Variants in RNF38 observed in about 807,000 individuals in gnomAD.
The protein encoded by RNF38 is ring finger protein 38, also known as E3 ubiquitin-protein ligase RNF38.
In RNF38, 15 loss-of-function variants were observed where a neutral mutation model predicts 67.2. The observed-to-expected ratio is 0.22, with a 90% CI of 0.15 to 0.34. The LOEUF is 0.34. Ranked by LOEUF, RNF38 falls within the 10% of genes least tolerant of loss-of-function variation. The probability of loss-of-function intolerance (pLI) is 1.00; values close to 1 mark genes in which losing one functional copy is unlikely to be tolerated. For synonymous variants in RNF38, 220 were observed against 218.8 expected (o/e 1.01, Z -0.05); for missense variants, 524 against 639.9 (o/e 0.82, Z 1.95).
intron 1 of RNF38, among the ~76,000 whole-genome samples, chr9:36,450,463 CAT>C (rs529295716): frequency 6.1e-4 from 93 of 152,300 alleles, no homozygotes; most frequent in Admixed American, 1.5e-3. Flanking sequence ...TAAATTTCTA[CAT>C]GTTTTAATTT....
At position 36,406,724 on chromosome 9, in the gene RNF38, AG is replaced by A. The variant is rs149950726; in HGVS notation, n.313-16109del. ...AAATTCCCAAGGAGAAATGAAGCAC[AG>A]GAACAACAGAAAGCGGGCAGTGAAA... On this transcript the variant is annotated intron_variant and non_coding_transcript_variant, in intron 2 of 3. Coordinates refer to the RNF38 transcript ENST00000488058. Among the ~76,000 whole-genome samples, 403 of 152,382 alleles carry A rather than the reference AG, an allele frequency of 2.6e-3. 11 individuals carry two copies. In the East Asian group the frequency reaches 0.063, roughly 24 times the overall value.
At chr9:36,352,477 GT>G (rs1298036579) in intron 8 of RNF38, among the ~76,000 whole-genome samples, 2 of 152,132 alleles carry the variant, frequency 1.3e-5, no homozygotes, top group Non-Finnish European at 1.5e-5. Flanking sequence ...GTTATCAGTT[GT>G]AAAAGAGGCA....
At chr9:36,487,164 A>C (rs1840434955) in intron 1 of RNF38, 9 of 473,088 alleles carry the variant, frequency 1.9e-5, no homozygotes, top group Non-Finnish European at 2.5e-5. Context: ...CAGGGCTCGC[A>C]GGGGCTCCGG....
intron 11 of RNF38, among the ~76,000 whole-genome samples, chr9:36,340,640 G>A (rs1010595284): frequency 2.0e-5 from 3 of 152,156 alleles, no homozygotes; most frequent in Non-Finnish European, 4.4e-5. Flanking sequence ...CCAAAATGTT[G>A]GGATTACATG....
Position 36,474,760 on chromosome 9 carries a change from T to A in RNF38, n.241+12548A>T, listed in dbSNP as rs546876535. On this transcript the variant is annotated intron_variant and non_coding_transcript_variant, in intron 1 of 3. Transcript: ENST00000488058. ...ATAAGTGACCACTATTATCTAGATATTTAAAAATAGGTAGAATTTAGAAAA... is the reference window on the plus strand; with the variant it reads ...ATAAGTGACCACTATTATCTAGATAATTAAAAATAGGTAGAATTTAGAAAA... 3.4e-5 allele frequency among the ~76,000 whole-genome samples: 5 copies of A among 148,342 alleles called. 1 individual carries two copies. The South Asian group carries it at 1.1e-3, about 33-fold the overall frequency.
At chr9:36,478,352 C>G (rs544717843) in intron 1 of RNF38, among the ~76,000 whole-genome samples, 10 of 134,654 alleles carry the variant, frequency 7.4e-5, no homozygotes, top group African/African-American at 2.0e-4. Flanking sequence ...TGCAGTGAGC[C>G]GAGATCACGC....
At chr9:36,369,305 T>C (rs1835200728) in intron 4 of RNF38, among the ~76,000 whole-genome samples, 2 of 152,330 alleles carry the variant, frequency 1.3e-5, no homozygotes. Context: ...CGATCTTGAC[T>C]CACTGCAACC....
At chr9:36,355,624 T>C (rs1834042792) in intron 6 of RNF38, among the ~76,000 whole-genome samples, 1 of 152,234 alleles carries the variant, frequency 6.6e-6, no homozygotes, top group South Asian at 2.1e-4. Context: ...TTTTCCAATT[T>C]AGAACCACAT....
At chr9:36,413,971 C>T (rs1838394998) in intron 2 of RNF38, among the ~76,000 whole-genome samples, 1 of 152,158 alleles carries the variant, frequency 6.6e-6, no homozygotes, top group African/African-American at 2.4e-5. Context: ...GTCCTTTTAT[C>T]ATTACATAAT....
At chr9:36,398,430 T>A (rs1279433324) in intron 1 of RNF38, among the ~76,000 whole-genome samples, 1 of 152,194 alleles carries the variant, frequency 6.6e-6, no homozygotes, top group African/African-American at 2.4e-5. Context: ...AAAAAAATTT[T>A]TTTAATGAAA....
intron 1 of RNF38, among the ~76,000 whole-genome samples, chr9:36,445,624 A>G (rs1839282450): frequency 6.6e-6 from 1 of 152,224 alleles, no homozygotes; most frequent in Non-Finnish European, 1.5e-5. Flanking sequence ...TCAAACCACA[A>G]GCCAGAACCA....
Position 36,433,097 on chromosome 9 carries a change from A to G in RNF38, n.242-8414T>C, listed in dbSNP as rs111552854. ...AAAGATTGATATTCACAGTGGAGAT[A>G]AGAGAGAAGAATGATAGCTACCAGA... On this transcript the variant is annotated intron_variant and non_coding_transcript_variant, in intron 1 of 3. Transcript: ENST00000488058. Among the ~76,000 whole-genome samples the G allele has an allele frequency of 2.0e-3, 307 of 151,960 alleles. 1 individual carries two copies. Among genetic ancestry groups the G allele is most frequent in the African/African-American group, 7.2e-3 (300 of 41,410 alleles).
chr9:36,365,648 TG>T, intron 4 of RNF38, among the ~76,000 whole-genome samples: 1 of 149,978 alleles, frequency 6.7e-6, no homozygotes, highest in South Asian at 2.1e-4. Context: ...AAACCACTTT[TG>T]TTAAGACTGA....
chr9:36,487,288 C>G (rs1167087355), intron 1 of RNF38: 6 of 984,982 alleles, frequency 6.1e-6, no homozygotes, highest in Non-Finnish European at 7.2e-6. Context: ...CCCTGCCTGG[C>G]CCGCTCCGGG....
At chr9:36,364,794 T>C (rs1488476903) in intron 4 of RNF38, among the ~76,000 whole-genome samples, 1 of 152,220 alleles carries the variant, frequency 6.6e-6, no homozygotes, top group East Asian at 1.9e-4. Flanking sequence ...CACCCACAGA[T>C]CCTGATTCAG....
chr9:36,448,272 A>G (rs1241549753), intron 1 of RNF38, among the ~76,000 whole-genome samples: 1 of 152,258 alleles, frequency 6.6e-6, no homozygotes, highest in Non-Finnish European at 1.5e-5. Context: ...ATGTAAACAT[A>G]AATGATCAAA....
chr9:36,345,056 A>C, intron 9 of RNF38, 103 bp from the exon 10 acceptor site: 1 of 1,263,070 alleles, frequency 7.9e-7, no homozygotes, highest in Non-Finnish European at 1.1e-6. Context: ...CCCAGGCTAG[A>C]GTATAGCGGC....
At chr9:36,380,602 C>G (rs909974524) in intron 2 of RNF38, among the ~76,000 whole-genome samples, 1 of 152,156 alleles carries the variant, frequency 6.6e-6, no homozygotes, top group Admixed American at 6.5e-5. Flanking sequence ...AAGAGATGCT[C>G]TCACCTAAGT....
rs1252504743 is a variant in RNF38, at chr9:36,342,267, C to T, written c.1485+58G>A. On this transcript the variant is annotated intron_variant, in intron 11 of 11. Coordinates refer to ENST00000259605, the MANE Select transcript of RNF38 (RefSeq NM_022781.5). ...ACTGAGCTATGAACTTACTCTAATC[C>T]ATGGTCAATAAAATAGAAAATTCAA... is the stretch of plus-strand genomic sequence containing the variant. The T allele has an allele frequency of 2.5e-6, 3 of 1,212,462 alleles. No individual in the cohort carries two copies. The African/African-American group carries it at 4.5e-5, about 18-fold the overall frequency. The allele number at this position is 1,212,462 out of a possible 1,614,324, so 75.1% of individuals were successfully genotyped here. A position where few individuals can be genotyped will look rare whatever the true frequency, so the allele number is the denominator to read the frequency against.
Sources: gnomAD v4.1 joint callset for allele counts (sites outside exome capture counted in the v4.1 genomes callset) on GRCh38, gnomAD v4.1.1 for gene constraint, MANE v1.5 for transcripts, NCBI Gene and HGNC (gene_info 2026-07-23, HGNC 2026-07-21) for gene names.